The following RAB11FIP4 variants were observed in gnomAD, a reference collection of about 807,000 sequenced individuals.
RAB11FIP4 encodes RAB11 family interacting protein 4.
Under a neutral mutation model 74.3 loss-of-function variants are expected in RAB11FIP4, and 23 were observed. The ratio of observed to expected loss-of-function variants is 0.31; its 90% CI spans 0.22 to 0.44. The LOEUF (loss-of-function observed/expected upper bound fraction) is 0.44, where lower values mean the gene tolerates loss of function less well. RAB11FIP4 is among the 20% of genes least tolerant of loss of function. RAB11FIP4 has a pLI of 1.00. For synonymous variants in RAB11FIP4, 360 were observed against 359.9 expected (o/e 1.00, Z 0.00); for missense variants, 630 against 863.9 (o/e 0.73, Z 3.39).
intron 5 of RAB11FIP4, 69 bp downstream of exon 5, chr17:31,521,429 G>A: frequency 1.4e-6 from 2 of 1,401,364 alleles, no homozygotes; most frequent in Non-Finnish European, 9.7e-7. Flanking sequence ...CATCCTAGGG[G>A]GTGGGGGGGT....
intron 3 of RAB11FIP4, among the ~76,000 whole-genome samples, chr17:31,464,023 A>C (rs896068988): frequency 2.0e-5 from 3 of 151,880 alleles, no homozygotes; most frequent in Non-Finnish European, 4.4e-5. Context: ...CATGTTGGCC[A>C]GGCTGGTCTT....
chr17:31,450,321 T>TTATTA, intron 3 of RAB11FIP4, among the ~76,000 whole-genome samples: 1 of 137,812 alleles, frequency 7.3e-6, no homozygotes, highest in South Asian at 2.5e-4. Flanking sequence ...CGCCACCGGC[T>TTATTA]TTATTATTAT....
chr17:31,409,932 AG>A (rs1291377186), intron 1 of RAB11FIP4, among the ~76,000 whole-genome samples: 1 of 152,166 alleles, frequency 6.6e-6, no homozygotes, highest in East Asian at 1.9e-4. Context: ...TTTGGGAGGC[AG>A]GAGGGCTTTG....
intron 1 of RAB11FIP4, among the ~76,000 whole-genome samples, chr17:31,415,177 C>T (rs973332070): frequency 6.6e-6 from 1 of 152,208 alleles, no homozygotes; most frequent in African/African-American, 2.4e-5. Flanking sequence ...AAGAGCCCCC[C>T]GGAACTGGCT....
At chr17:31,392,073 C>T in intron 1 of RAB11FIP4, 62 bp downstream of exon 1, 1 of 1,142,802 alleles carries the variant, frequency 8.8e-7, no homozygotes. Context: ...CGCCCCTCCC[C>T]CAGCTCCCCC....
chr17:31,479,658 C>T (rs2071827808), intron 3 of RAB11FIP4, among the ~76,000 whole-genome samples: 1 of 152,176 alleles, frequency 6.6e-6, no homozygotes, highest in South Asian at 2.1e-4. Context: ...CTGGAGAAGA[C>T]AGGGAAGGCA....
At chr17:31,448,355 A>G (rs2071489213) in intron 3 of RAB11FIP4, 1 of 142,804 alleles carries the variant, frequency 7.0e-6, no homozygotes, top group African/African-American at 2.6e-5. Flanking sequence ...CCTCCTCAGT[A>G]GCTGGGACCA....
In RAB11FIP4 at chr17:31,411,653, C is replaced by T. The variant is rs139200118; in HGVS notation, c.159+19642C>T. On this transcript the variant is annotated intron_variant, in intron 1 of 14. Transcript: ENST00000621161. The stretch of plus-strand genomic sequence containing the variant: ...AGGTTTAAATTATAAATAAGGGCCT[C>T]AATCATGGATGAGGCCTCTTGCCTC... Among the ~76,000 whole-genome samples the T allele has an allele frequency of 1.1e-3, 170 of 152,328 alleles. 3 individuals are homozygous for T. The East Asian group carries it at 0.026, about 23-fold the overall frequency.
intron 4 of RAB11FIP4, among the ~76,000 whole-genome samples, chr17:31,520,330 G>A (rs537758419): frequency 1.3e-5 from 2 of 152,118 alleles, no homozygotes; most frequent in Non-Finnish European, 2.9e-5. Flanking sequence ...GCCAAGGGAT[G>A]ACCATACTCA....
In RAB11FIP4 at chr17:31,530,361, G is replaced by C. The variant is rs1276454148; in HGVS notation, c.1689G>C (p.Leu563Phe). Reference protein sequence around the residue: ...NYKLRDQNDDLNGQILSLSLY... With the variant: ...NYKLRDQNDDFNGQILSLSLY... ...AGCTGCGGGATCAGAACGACGACTT[G>C]AATGGGCAGATTTTGAGCCTCAGCC... Residue 563 changes from leucine (L) to phenylalanine (F), a missense_variant, in exon 14 of 15, where the codon TTG (leucine) becomes TTC (phenylalanine). Coordinates refer to ENST00000621161, the MANE Select transcript of RAB11FIP4 (RefSeq NM_032932.6). 1.9e-6 allele frequency: 3 copies of C among 1,614,198 alleles called. No homozygotes were observed. Among genetic ancestry groups the C allele is most frequent in the Non-Finnish European group, 8.5e-7 (1 of 1,180,030 alleles).
chr17:31,419,228 C>G (rs1272119792), intron 1 of RAB11FIP4, among the ~76,000 whole-genome samples: 2 of 150,386 alleles, frequency 1.3e-5, no homozygotes, highest in Non-Finnish European at 2.9e-5. Context: ...TTTCATTTCT[C>G]TAAGATAAGG....
Position 31,503,646 on chromosome 17 carries a change from G to A in RAB11FIP4, c.337-14005G>A, listed in dbSNP as rs1442531110. ...TATGACTGTGAATGGTCTTTTAGAGGCCGGATCATTCTTATGACCTCAGCC... is the reference window on the plus strand; with the variant it reads ...TATGACTGTGAATGGTCTTTTAGAGACCGGATCATTCTTATGACCTCAGCC... On this transcript the variant is annotated intron_variant, in intron 3 of 14. Coordinates refer to ENST00000621161, the MANE Select transcript of RAB11FIP4 (RefSeq NM_032932.6). Among the ~76,000 whole-genome samples the A allele has an allele frequency of 4.0e-5, 6 of 149,648 alleles. 1 individual carries two copies. Among genetic ancestry groups the A allele is most frequent in the African/African-American group, 1.5e-4 (6 of 39,016 alleles).
At chr17:31,495,747 A>G (rs962578832) in intron 3 of RAB11FIP4, among the ~76,000 whole-genome samples, 1 of 152,176 alleles carries the variant, frequency 6.6e-6, no homozygotes, top group Non-Finnish European at 1.5e-5. Context: ...TGGCCAACAC[A>G]TTTTTGTATG....
At chr17:31,471,742 C>G (rs963662324) in intron 3 of RAB11FIP4, among the ~76,000 whole-genome samples, 5 of 152,292 alleles carry the variant, frequency 3.3e-5, no homozygotes. Flanking sequence ...GGCCCCCACC[C>G]TGCTGCTGCC....
At chr17:31,430,412 C>T (rs178849) in intron 1 of RAB11FIP4, among the ~76,000 whole-genome samples, 40,000 of 142,710 alleles carry the variant, frequency 0.28, 6,020 homozygotes, top group South Asian at 0.38. Context: ...GGCTGGAGTG[C>T]AGTGGCGTGA....
intron 3 of RAB11FIP4, among the ~76,000 whole-genome samples, chr17:31,491,249 C>A (rs2142752922): frequency 6.6e-6 from 1 of 152,324 alleles, no homozygotes; most frequent in Middle Eastern, 3.4e-3. Context: ...TTGCTCAGCC[C>A]CCAGCACATT....
intron 9 of RAB11FIP4, 75 bp downstream of exon 9, chr17:31,524,071 C>A: frequency 9.3e-7 from 1 of 1,072,458 alleles, no homozygotes; most frequent in Non-Finnish European, 1.4e-6. Flanking sequence ...GCTAAGACCT[C>A]CAGGAGGAGG....
At chr17:31,468,360 T>C (rs1306995714) in intron 3 of RAB11FIP4, among the ~76,000 whole-genome samples, 1 of 152,004 alleles carries the variant, frequency 6.6e-6, no homozygotes, top group Non-Finnish European at 1.5e-5. Flanking sequence ...TGGGGCAGAG[T>C]GGAGAGGGCT....
intron 2 of RAB11FIP4, among the ~76,000 whole-genome samples, chr17:31,433,710 T>A (rs746494643): frequency 6.6e-6 from 1 of 152,026 alleles, no homozygotes; most frequent in Non-Finnish European, 1.5e-5. Flanking sequence ...TCGTTTGGAG[T>A]CCCTGCAAGC....
Sources: allele counts gnomAD v4.1 joint callset (sites outside exome capture counted in the v4.1 genomes callset), GRCh38; gene constraint gnomAD v4.1.1; transcripts MANE v1.5; gene names NCBI Gene and HGNC (gene_info 2026-07-23, HGNC 2026-07-21).